PCDHGB4: variants seen among roughly 807,000 people sequenced by gnomAD.
The protein encoded by PCDHGB4 is protocadherin gamma-B4.
A neutral mutation model predicts 60.5 loss-of-function variants in PCDHGB4; 38 were observed. The ratio of observed to expected loss-of-function variants is 0.63; its 90% confidence interval spans 0.48 to 0.82. The LOEUF (loss-of-function observed/expected upper bound fraction) is 0.82. PCDHGB4 is among the 40% of genes least tolerant of loss of function. The pLI is 0.00. For synonymous variants in PCDHGB4, 456 were observed against 509.7 expected, an observed-to-expected ratio of 0.89 and a Z score of 1.42; for missense variants, 1,109 against 1,209.6, an observed-to-expected ratio of 0.92 and a Z score of 1.23.
chr5:141,395,084 C>A (rs757269551), intron 1 of PCDHGB4: 1 of 1,614,190 alleles, frequency 6.2e-7, no homozygotes, highest in South Asian at 1.1e-5. Flanking sequence ...CCCAGGAAGT[C>A]TCCCTCACCG....
chr5:141,488,572 T>C (rs888054788), intron 1 of PCDHGB4, among the ~76,000 whole-genome samples: 28 of 152,212 alleles, frequency 1.8e-4, no homozygotes, highest in African/African-American at 6.8e-4. Flanking sequence ...CCGCAAAGCA[T>C]TGCTGGAGAG....
chr5:141,399,460 G>T (rs1465606526), intron 1 of PCDHGB4: 1 of 1,613,962 alleles, frequency 6.2e-7, no homozygotes, highest in Middle Eastern at 1.6e-4. Flanking sequence ...CAACGATAAC[G>T]CTCCGGTTTT....
chr5:141,439,186 C>T (rs2098094521), intron 1 of PCDHGB4, among the ~76,000 whole-genome samples: 1 of 141,808 alleles, frequency 7.1e-6, no homozygotes, highest in Admixed American at 7.0e-5. Flanking sequence ...TAGTGAGACT[C>T]TGACAAAAAA....
intron 1 of PCDHGB4, chr5:141,478,602 T>C (rs2099466537): frequency 6.4e-7 from 1 of 1,563,560 alleles, no homozygotes; most frequent in Admixed American, 1.9e-5. Context: ...TCCTACATCA[T>C]ATTGAGGAAG....
intron 1 of PCDHGB4, chr5:141,413,119 G>C: frequency 6.6e-7 from 1 of 1,522,222 alleles, no homozygotes; most frequent in Non-Finnish European, 8.8e-7. Flanking sequence ...AAAGGAACCG[G>C]TTGAAACACA....
In PCDHGB4 at chr5:141,388,958, C is replaced by T. The variant is rs767426744; in HGVS notation, c.1074C>T (p.Ala358=). Residue 358 remains alanine, a synonymous_variant, in exon 1 of 4, where the codon GCC becomes GCT. Transcript: ENST00000519479. ...TACCCAACCTAATTATGGAGGACGC[C>T]GAGCTGGGAACACATATTGCTTTGC... The part of the protein sequence containing the change: ...QSLPNLIMED[A]ELGTHIALLK... 7.4e-6 allele frequency: 12 copies of T among 1,613,930 alleles called. No homozygotes were observed. The highest frequency in any genetic ancestry group is 2.2e-5 in the East Asian group (1 of 44,878).
chr5:141,486,161 A>G lies in PCDHGB4; in HGVS notation c.2398-8646A>G. 1 of 1,614,216 alleles carries G rather than the reference A, an allele frequency of 6.2e-7. No individual in the cohort carries two copies. The highest frequency in any genetic ancestry group is 8.5e-7 in the Non-Finnish European group (1 of 1,180,038). ...GGCTCGCGATGGGGGTTCTCCAGCC[A>G]TGGAGCAACATTGCAGCCTTCGAGT... On this transcript the variant is annotated intron_variant, in intron 1 of 3. Coordinates refer to ENST00000519479, the MANE Select transcript of PCDHGB4 (RefSeq NM_003736.4). The surrounding 1 kb of genome is among the most constrained non-coding windows in gnomAD (Gnocchi z 5.0).
rs200877911 is a variant in PCDHGB4 at position 141,477,977 on chromosome 5, A to G, written c.2398-16830A>G. ...ATCCCCTAACCAGAGCCTTTTTGCC[A>G]TAGGGCTGCACACTGGTCAAATCAG... On this transcript the variant is annotated intron_variant, in intron 1 of 3. Coordinates refer to ENST00000519479, the MANE Select transcript of PCDHGB4 (RefSeq NM_003736.4). The surrounding 1 kb of genome is among the most constrained non-coding windows in gnomAD (Gnocchi z 4.9). 5 of 1,614,092 alleles carry G rather than the reference A, an allele frequency of 3.1e-6. No individual in the cohort carries two copies. The East Asian group carries it at 6.7e-5, about 22-fold the overall frequency.
At chr5:141,509,322 C>G (rs563556144) in intron 3 of PCDHGB4, among the ~76,000 whole-genome samples, 1 of 152,318 alleles carries the variant, frequency 6.6e-6, no homozygotes, top group East Asian at 1.9e-4. Flanking sequence ...GAGAGAAGCT[C>G]TACTGCCAGC....
At chr5:141,484,315 C>T (rs1172379949) in intron 1 of PCDHGB4, among the ~76,000 whole-genome samples, 2 of 152,326 alleles carry the variant, frequency 1.3e-5, no homozygotes, top group African/African-American at 4.8e-5. Context: ...ACCCCGCTTC[C>T]ATACTGTCCT....
chr5:141,478,409 G>A, intron 1 of PCDHGB4: 1 of 1,613,016 alleles, frequency 6.2e-7, no homozygotes, highest in South Asian at 1.1e-5. Flanking sequence ...TCTCACCACG[G>A]ACTCCCGCCG....
rs117064561 is a variant in PCDHGB4, at chr5:141,470,737, G to T, written c.2398-24070G>T. Among the ~76,000 whole-genome samples the T allele has an allele frequency of 1.9e-3, 295 of 152,132 alleles. 7 individuals carry two copies. In the East Asian group the frequency reaches 0.046, roughly 24 times the overall value. On this transcript the variant is annotated intron_variant, in intron 1 of 3. Coordinates refer to ENST00000519479, the MANE Select transcript of PCDHGB4 (RefSeq NM_003736.4). ...TTTTGAGTCAGGGTCTTGCTCTGTC[G>T]CCCTGGCTGGAGTGCAGTGGACTCA...
At position 141,388,351 on chromosome 5, in the gene PCDHGB4, C is replaced by T. The variant is rs1245529264; in HGVS notation, c.467C>T (p.Ser156Phe). 6.2e-7 allele frequency: 1 copy of T among 1,613,898 alleles called. No homozygotes were observed. Among genetic ancestry groups the T allele is most frequent in the African/African-American group, 1.3e-5 (1 of 74,930 alleles). ...CCTGGCACACGATTTATATTAGGAT[C>T]TGCCCATGATGCGGATATTGGTAGC... ...AQPGTRFILG[S>F]AHDADIGSNT... The change falls in exon 1 of 4, where the codon TCT (serine) becomes TTT (phenylalanine). Residue 156 changes from serine to phenylalanine, a missense_variant. By Grantham distance (155) the Ser-to-Phe change is radical (BLOSUM62 -2). Coordinates refer to ENST00000519479, the MANE Select transcript of PCDHGB4 (RefSeq NM_003736.4).
intron 2 of PCDHGB4, among the ~76,000 whole-genome samples, chr5:141,500,838 GGCTTTT>G (rs2099802886): frequency 6.6e-6 from 1 of 151,878 alleles, no homozygotes. Flanking sequence ...AATGCTAATG[GGCTTTT>G]GCTACATTAG....
At chr5:141,496,662 T>A (rs557106775) in intron 2 of PCDHGB4, among the ~76,000 whole-genome samples, 1 of 152,344 alleles carries the variant, frequency 6.6e-6, no homozygotes, top group African/African-American at 2.4e-5. Flanking sequence ...TGACCCCAGC[T>A]GTTGTCCTTC....
At chr5:141,417,621 A>G in intron 1 of PCDHGB4, 1 of 662,852 alleles carries the variant, frequency 1.5e-6, no homozygotes, top group Non-Finnish European at 2.4e-6. Context: ...GTGCAGAGCA[A>G]GCGCTGACGC....
chr5:141,451,908 G>C (rs899191624), intron 1 of PCDHGB4, among the ~76,000 whole-genome samples: 1 of 152,046 alleles, frequency 6.6e-6, no homozygotes, highest in Non-Finnish European at 1.5e-5. Flanking sequence ...AAGGGAGGGA[G>C]GGAGGAAGGA....
chr5:141,395,538 TTGTTTGTG>T (rs2093252084), intron 1 of PCDHGB4: 3 of 225,786 alleles, frequency 1.3e-5, no homozygotes, highest in South Asian at 6.0e-5. Flanking sequence ...AATTTTGCTA[TTGTTTGTG>T]TGTGTGTGTG....
chr5:141,400,728 T>C, intron 1 of PCDHGB4: 1 of 648,188 alleles, frequency 1.5e-6, no homozygotes. Context: ...ATTTACAAAG[T>C]AGTGAGAGTT....
Sources: gnomAD v4.1 joint callset for allele counts (sites outside exome capture counted in the v4.1 genomes callset) on GRCh38, gnomAD v4.1.1 for gene constraint, Gnocchi (gnomAD v3.1) non-coding constraint, MANE v1.5 for transcripts, NCBI Gene and HGNC (gene_info 2026-07-23, HGNC 2026-07-21) for gene names.